Variants in XKR9 observed in about 807,000 individuals in gnomAD.
XKR9 encodes XK related 9.
A neutral mutation model predicts 32.0 loss-of-function variants in XKR9; 32 were observed. The observed-to-expected ratio is 1.00, with a 90% confidence interval of 0.76 to 1.34. The LOEUF is 1.34. XKR9 is among the 40% of genes most tolerant of loss of function. The pLI, the probability that XKR9 is intolerant of heterozygous loss-of-function variation, is 0.00. For missense variants in XKR9, 546 were observed against 429.7 expected (o/e 1.27, Z -2.39); for synonymous variants, 168 against 143.4 (o/e 1.17, Z -1.22).
At chr8:70,766,870 A>G (rs1359787744) in intron 2 of XKR9, among the ~76,000 whole-genome samples, 1 of 152,066 alleles carries the variant, frequency 6.6e-6, no homozygotes, top group African/African-American at 2.4e-5. Flanking sequence ...GGTTTTTGTC[A>G]TTGGTTCTGT....
chr8:70,820,313 A>G, the XKR9 span, among the ~76,000 whole-genome samples: 1 of 152,204 alleles, frequency 6.6e-6, no homozygotes, highest in Non-Finnish European at 1.5e-5. Flanking sequence ...TTGCATTGCT[A>G]TAAAGGAATA....
At chr8:70,911,330 AACTT>A in the XKR9 span, among the ~76,000 whole-genome samples, 3 of 152,204 alleles carry the variant, frequency 2.0e-5, no homozygotes, top group East Asian at 1.9e-4. Flanking sequence ...TTATTCAGAA[AACTT>A]ACTTACAAAT....
intron 2 of XKR9, among the ~76,000 whole-genome samples, chr8:70,781,590 C>T (rs1030622607): frequency 6.7e-6 from 1 of 149,912 alleles, no homozygotes; most frequent in Non-Finnish European, 1.5e-5. Flanking sequence ...TCAATCCTTG[C>T]CAGCATTTGT....
the XKR9 span, among the ~76,000 whole-genome samples, chr8:70,817,305 A>T: frequency 6.6e-6 from 1 of 152,204 alleles, no homozygotes; most frequent in Non-Finnish European, 1.5e-5. Context: ...GTGCATAAAA[A>T]TTAGTAACAT....
chr8:71,038,287 TTCTCTC>T, the XKR9 span, among the ~76,000 whole-genome samples: 1 of 148,634 alleles, frequency 6.7e-6, no homozygotes, highest in African/African-American at 2.5e-5. Context: ...TTCTTTTCTT[TTCTCTC>T]TCTCTCTCTC....
At chr8:71,032,718 A>G in the XKR9 span, among the ~76,000 whole-genome samples, 9 of 152,206 alleles carry the variant, frequency 5.9e-5, no homozygotes, top group Admixed American at 5.9e-4. Context: ...AAAGCACTTC[A>G]TATGAAAGTG....
the XKR9 span, among the ~76,000 whole-genome samples, chr8:70,924,765 A>T: frequency 6.6e-6 from 1 of 152,250 alleles, no homozygotes; most frequent in Non-Finnish European, 1.5e-5. Context: ...AAAAAGAGGG[A>T]CAAAAGAACA....
At chr8:70,735,996 G>A (rs1806854343), downstream of XKR9, 1 of 152,100 alleles carries the variant, frequency 6.6e-6, no homozygotes, top group Non-Finnish European at 1.5e-5. Context: ...GGATGGCTGG[G>A]TCAAATGGTA....
At chr8:70,984,150 G>T in the XKR9 span, among the ~76,000 whole-genome samples, 17 of 152,330 alleles carry the variant, frequency 1.1e-4, no homozygotes, top group South Asian at 2.7e-3. Context: ...AGTCTGGAAA[G>T]CTTATGTGAT....
At chr8:71,030,133 T>C in the XKR9 span, among the ~76,000 whole-genome samples, 1 of 152,244 alleles carries the variant, frequency 6.6e-6, no homozygotes, top group South Asian at 2.1e-4. Flanking sequence ...GACTTAAAAA[T>C]GTTGGCAGGA....
chr8:70,812,280 T>C, the XKR9 span, among the ~76,000 whole-genome samples: 1 of 152,204 alleles, frequency 6.6e-6, no homozygotes, highest in East Asian at 1.9e-4. Context: ...TAGGTATTGA[T>C]GGGACGTATC....
the XKR9 span, among the ~76,000 whole-genome samples, chr8:70,832,343 TAAAAG>T: frequency 6.6e-6 from 1 of 151,696 alleles, no homozygotes; most frequent in Non-Finnish European, 1.5e-5. Flanking sequence ...AGGAGAAAAG[TAAAAG>T]AAAAGAGAAA....
intron 4 of XKR9, among the ~76,000 whole-genome samples, chr8:70,709,208 T>A (rs1320778720): frequency 6.6e-6 from 1 of 152,154 alleles, no homozygotes; most frequent in African/African-American, 2.4e-5. Flanking sequence ...ATCATCTCAA[T>A]AGACACAGAA....
the XKR9 span, among the ~76,000 whole-genome samples, chr8:70,943,168 C>G: frequency 6.6e-6 from 1 of 152,158 alleles, no homozygotes. Flanking sequence ...TCAGTATTAT[C>G]TGCATGGTTT....
the XKR9 span, among the ~76,000 whole-genome samples, chr8:70,938,693 G>A: frequency 3.9e-5 from 6 of 152,138 alleles, no homozygotes; most frequent in Admixed American, 2.0e-4. Flanking sequence ...CTAATTTTTC[G>A]CTGGCCGTTT....
rs189505667 is a variant in XKR9, at chr8:70,754,315, A to G, written n.353-35024A>G. On this transcript the variant is annotated intron_variant and non_coding_transcript_variant, in intron 2 of 3. Coordinates refer to the XKR9 transcript ENST00000520273. ...CCATGCTTATGGATAGGAAGAATCA[A>G]TATCGTGAAAATGGCCATACTGCCC... is the stretch of plus-strand genomic sequence containing the variant. 1.8e-3 allele frequency among the ~76,000 whole-genome samples: 268 copies of G among 145,004 alleles called. 9 individuals carry two copies. Among genetic ancestry groups the G allele is most frequent in the African/African-American group, 6.5e-3 (266 of 41,002 alleles).
At chr8:70,687,312 C>CTCTTTCTTTCTT (rs57039682) in intron 3 of XKR9, among the ~76,000 whole-genome samples, 20,325 of 138,042 alleles carry the variant, frequency 0.15, 1,710 homozygotes, top group East Asian at 0.19. Flanking sequence ...TCTCTCCTCC[C>CTCTTTCTTTCTT]TCTTTCTTTC....
the XKR9 span, among the ~76,000 whole-genome samples, chr8:71,046,476 T>C: frequency 1.3e-5 from 2 of 152,204 alleles, no homozygotes; most frequent in Non-Finnish European, 2.9e-5. Context: ...TCAGAGTGGA[T>C]GTATGTTGTC....
At chr8:70,809,665 G>A in the XKR9 span, among the ~76,000 whole-genome samples, 1 of 152,216 alleles carries the variant, frequency 6.6e-6, no homozygotes, top group Admixed American at 6.5e-5. Context: ...CTCAGTAGCT[G>A]ATTCGATCAA....
Sources: allele counts gnomAD v4.1 joint callset (sites outside exome capture counted in the v4.1 genomes callset), GRCh38; gene constraint gnomAD v4.1.1; transcripts MANE v1.5; gene names NCBI Gene and HGNC (gene_info 2026-07-23, HGNC 2026-07-21).